BCAS3: variants seen among roughly 807,000 people sequenced by gnomAD.
The protein encoded by BCAS3 is BCAS4/BCAS3 fusion.
BCAS3 carries 53 observed loss-of-function variants against 116.1 expected under a neutral mutation model. That is an observed-to-expected ratio of 0.46 (90% CI 0.37 to 0.57). The LOEUF is 0.57. Among genes scored for constraint, BCAS3 ranks in the 20% least tolerant of loss-of-function variants. BCAS3 has a pLI of 0.00. For synonymous variants in BCAS3, 391 were observed against 408.2 expected (o/e 0.96, Z 0.51); for missense variants, 917 against 1,165.4 (o/e 0.79, Z 3.10).
intron 22 of BCAS3, among the ~76,000 whole-genome samples, chr17:61,351,598 C>T (rs1425343607): frequency 6.6e-6 from 1 of 152,182 alleles, no homozygotes; most frequent in Admixed American, 6.5e-5. Context: ...CACAAGGTCA[C>T]GTCGTTAGGA....
In BCAS3 at chr17:61,051,812, A is replaced by G. The variant is rs1450660752; in HGVS notation, c.2029+10920A>G. 6.6e-6 allele frequency among the ~76,000 whole-genome samples: 1 copy of G among 152,148 alleles called. No homozygotes were observed. Among genetic ancestry groups the G allele is most frequent in the Non-Finnish European group, 1.5e-5 (1 of 68,026 alleles). Reference sequence around the variant, plus strand: ...AAAACAGGAAATTTTGTGAGATGGCACTAAATCCATACTCAAGGGAAAAAT... The same window carrying G: ...AAAACAGGAAATTTTGTGAGATGGCGCTAAATCCATACTCAAGGGAAAAAT... On this transcript the variant is annotated intron_variant, in intron 19 of 23. Coordinates refer to ENST00000407086, the MANE Select transcript of BCAS3 (RefSeq NM_017679.5). This position sits in a 1 kb window ranked among gnomAD's most constrained non-coding sequence, Gnocchi z 4.1.
intron 4 of BCAS3, among the ~76,000 whole-genome samples, chr17:60,692,721 G>A (rs909466742): frequency 6.9e-6 from 1 of 145,254 alleles, no homozygotes; most frequent in South Asian, 2.2e-4. Flanking sequence ...GCAACAGAGC[G>A]AGACTCCATC....
rs1016592736 is a variant in BCAS3, at chr17:61,203,871, C to T, written c.2425+119307C>T. On this transcript the variant is annotated intron_variant, in intron 22 of 23. Transcript: ENST00000407086. This position sits in a 1 kb window ranked among gnomAD's most constrained non-coding sequence, Gnocchi z 5.7. ...CCCCTGCCCCAGAGCTAATTAACTG[C>T]ATTGCTATCAGAGCTCTGAAGTGAC... 6.6e-6 allele frequency among the ~76,000 whole-genome samples: 1 copy of T among 152,170 alleles called. No individual in the cohort carries two copies. The highest frequency in any genetic ancestry group is 2.4e-5 in the African/African-American group (1 of 41,430).
At chr17:61,164,528 C>G (rs1012686920) in intron 22 of BCAS3, among the ~76,000 whole-genome samples, 4 of 152,056 alleles carry the variant, frequency 2.6e-5, no homozygotes, top group African/African-American at 9.7e-5. Context: ...GGTTCCACCC[C>G]CATGAATGAA....
chr17:60,913,212 T>G (rs371152088), intron 12 of BCAS3, among the ~76,000 whole-genome samples: 2 of 152,112 alleles, frequency 1.3e-5, no homozygotes, highest in East Asian at 3.8e-4. Flanking sequence ...CATAGAAATG[T>G]TAACTTTTAA....
At chr17:60,699,335 C>T (rs2036075429) in intron 4 of BCAS3, among the ~76,000 whole-genome samples, 1 of 152,150 alleles carries the variant, frequency 6.6e-6, no homozygotes, top group Admixed American at 6.6e-5. Context: ...TTGCCTCAGC[C>T]TCTCCAGTAG....
intron 13 of BCAS3, among the ~76,000 whole-genome samples, chr17:60,933,293 A>G (rs1394353489): frequency 6.6e-6 from 1 of 152,252 alleles, no homozygotes. Context: ...TAGAAACATA[A>G]GGAAGAAATC....
At position 61,139,984 on chromosome 17, in the gene BCAS3, C is replaced by G. The variant is rs1395253743; in HGVS notation, c.2425+55420C>G. On this transcript the variant is annotated intron_variant, in intron 22 of 23. Transcript: ENST00000407086. The surrounding 1 kb of genome is among the most constrained non-coding windows in gnomAD (Gnocchi z 4.7). Reference sequence around the variant, plus strand: ...GGCACAGTGGCTCACGCCTGTAATCCCAGCACTTTGGGAGGCCGAGGTGGA... The same window carrying G: ...GGCACAGTGGCTCACGCCTGTAATCGCAGCACTTTGGGAGGCCGAGGTGGA... Among the ~76,000 whole-genome samples, 1 of 152,134 alleles carries G rather than the reference C, an allele frequency of 6.6e-6. No individual in the cohort carries two copies. The highest frequency in any genetic ancestry group is 6.5e-5 in the Admixed American group (1 of 15,278).
chr17:61,265,377 C>T lies in BCAS3; in HGVS notation c.2426-102950C>T, dbSNP rs1013242988. ...CGAGATCGCACCATTGCACTCCAGC[C>T]TGGGTAACAAGAGTGAAACTCTGTC... On this transcript the variant is annotated intron_variant, in intron 22 of 23. Coordinates refer to ENST00000407086, the MANE Select transcript of BCAS3 (RefSeq NM_017679.5). This position sits in a 1 kb window ranked among gnomAD's most constrained non-coding sequence, Gnocchi z 4.3. 1.3e-5 allele frequency among the ~76,000 whole-genome samples: 2 copies of T among 151,554 alleles called. No individual in the cohort carries two copies. The highest frequency in any genetic ancestry group is 2.9e-5 in the Non-Finnish European group (2 of 67,978).
intron 22 of BCAS3, among the ~76,000 whole-genome samples, chr17:61,301,956 C>T (rs922998893): frequency 6.6e-6 from 1 of 152,146 alleles, no homozygotes; most frequent in South Asian, 2.1e-4. Flanking sequence ...ATTTTCATAT[C>T]AATGAAAAAG....
chr17:61,001,818 TA>T (rs961836094), intron 15 of BCAS3, among the ~76,000 whole-genome samples: 19 of 151,728 alleles, frequency 1.3e-4, no homozygotes, highest in South Asian at 2.1e-4. Flanking sequence ...TCACCTTTTT[TA>T]AAAAAAAATG....
chr17:60,697,508 AGGAGGT>A (rs980233945), intron 4 of BCAS3, among the ~76,000 whole-genome samples: 30 of 149,284 alleles, frequency 2.0e-4, no homozygotes, highest in African/African-American at 7.1e-4. Context: ...GCTTGAAGCC[AGGAGGT>A]GGAGGTTGCA....
At chr17:61,268,737 G>T (rs71373873) in intron 22 of BCAS3, among the ~76,000 whole-genome samples, 23,222 of 151,778 alleles carry the variant, frequency 0.15, 2,816 homozygotes, top group African/African-American at 0.34. Flanking sequence ...TTTGTATTTT[G>T]AGTAGAGCTG....
intron 19 of BCAS3, among the ~76,000 whole-genome samples, chr17:61,053,732 T>C (rs1042722921): frequency 1.3e-5 from 2 of 152,188 alleles, no homozygotes; most frequent in Admixed American, 1.3e-4. Context: ...TTTTCTCTTG[T>C]AGAGGAAACT....
chr17:60,987,238 G>A (rs1418945287), intron 14 of BCAS3: 1 of 147,818 alleles, frequency 6.8e-6, no homozygotes, highest in African/African-American at 2.5e-5. Flanking sequence ...CTATACCTCT[G>A]TAGTATAATT....
At chr17:61,166,952 AC>A (rs1266067712) in intron 22 of BCAS3, among the ~76,000 whole-genome samples, 1 of 150,042 alleles carries the variant, frequency 6.7e-6, no homozygotes, top group Non-Finnish European at 1.5e-5. Flanking sequence ...CAATGTGGAG[AC>A]CCAGGCTGGT....
chr17:60,900,076 C>T (rs1374832299), intron 10 of BCAS3: 2 of 152,002 alleles, frequency 1.3e-5, no homozygotes, highest in African/African-American at 2.4e-5. Context: ...AGGGGTGAAC[C>T]AGCCCAGGTT....
chr17:60,858,345 G>T (rs1232459704), intron 7 of BCAS3, among the ~76,000 whole-genome samples: 1 of 151,222 alleles, frequency 6.6e-6, no homozygotes. Flanking sequence ...CCTCTCTCTT[G>T]CAACACTGAT....
intron 2 of BCAS3, among the ~76,000 whole-genome samples, chr17:60,682,924 T>C (rs1441960960): frequency 1.3e-5 from 2 of 152,176 alleles, no homozygotes; most frequent in African/African-American, 4.8e-5. Context: ...TTAACAGTGT[T>C]ATTTTTTTCC....
Sources: gnomAD v4.1 joint callset for allele counts (sites outside exome capture counted in the v4.1 genomes callset) on GRCh38, gnomAD v4.1.1 for gene constraint, Gnocchi (gnomAD v3.1) non-coding constraint, MANE v1.5 for transcripts, NCBI Gene and HGNC (gene_info 2026-07-23, HGNC 2026-07-21) for gene names.